SENP1: variants seen among roughly 807,000 people sequenced by gnomAD.
SENP1 encodes sentrin-specific protease 1.
In SENP1, 21 loss-of-function variants were observed where a neutral mutation model predicts 93.0. That is an observed-to-expected ratio of 0.23 (90% confidence interval 0.16 to 0.33). SENP1 has a LOEUF of 0.33. Among genes scored for constraint, SENP1 ranks in the 10% least tolerant of loss-of-function variants. The pLI, the probability that SENP1 is intolerant of heterozygous loss-of-function variation, is 1.00. For synonymous variants in SENP1, 256 were observed against 259.6 expected, an observed-to-expected ratio of 0.99 and a Z score of 0.13; for missense variants, 591 against 758.7, an observed-to-expected ratio of 0.78 and a Z score of 2.60.
intron 13 of SENP1, among the ~76,000 whole-genome samples, chr12:48,058,351 G>A (rs1228758343): frequency 6.6e-6 from 1 of 152,088 alleles, no homozygotes; most frequent in Non-Finnish European, 1.5e-5. Context: ...TAATATCAAT[G>A]TGGTTGAGTT....
intron 13 of SENP1, among the ~76,000 whole-genome samples, chr12:48,054,639 A>G (rs546978877): frequency 1.3e-5 from 2 of 152,158 alleles, no homozygotes; most frequent in East Asian, 3.9e-4. Flanking sequence ...AAAATAGACA[A>G]ATTAGCTGGG....
At chr12:48,047,918 G>A in intron 15 of SENP1, 83 bp downstream of exon 15, 3 of 821,308 alleles carry the variant, frequency 3.7e-6, no homozygotes, top group Non-Finnish European at 6.2e-6. Context: ...TCCATTGAAG[G>A]TATCAAACAA....
In SENP1 at chr12:48,045,297, C is replaced by A. The variant is rs773709306; in HGVS notation, c.*25G>T. The A allele has an allele frequency of 6.2e-7, 1 of 1,605,862 alleles. No individual in the cohort carries two copies. Among genetic ancestry groups the A allele is most frequent in the East Asian group, 2.2e-5 (1 of 44,810 alleles). On this transcript the variant is annotated 3_prime_UTR_variant, in exon 18 of 18. Coordinates refer to ENST00000549518, the MANE Select transcript of SENP1 (RefSeq NM_001267594.2). Reference sequence around the variant, plus strand: ...ACAAAGAGCTGGTCCCCCACATGGTCAAGGTCTGCTAAGTGAGACAGTCTT... The same window carrying A: ...ACAAAGAGCTGGTCCCCCACATGGTAAAGGTCTGCTAAGTGAGACAGTCTT...
At chr12:48,078,970 G>A (rs1944327569) in intron 6 of SENP1, among the ~76,000 whole-genome samples, 1 of 152,118 alleles carries the variant, frequency 6.6e-6, no homozygotes, top group Non-Finnish European at 1.5e-5. Flanking sequence ...GCAACAAAGT[G>A]AGACCCTGTC....
intron 3 of SENP1, chr12:48,097,764 A>C: frequency 2.8e-6 from 1 of 360,518 alleles, no homozygotes; most frequent in Non-Finnish European, 5.0e-6. Flanking sequence ...AGGAACAATG[A>C]GTTTTCTAAA....
intron 2 of SENP1, among the ~76,000 whole-genome samples, chr12:48,101,119 C>G (rs2137329534): frequency 6.6e-6 from 1 of 152,228 alleles, no homozygotes; most frequent in Admixed American, 6.5e-5. Context: ...AACCCCGTCT[C>G]TACTAAAAAT....
chr12:48,050,931 G>C (rs141359388), intron 13 of SENP1, among the ~76,000 whole-genome samples: 1 of 152,264 alleles, frequency 6.6e-6, no homozygotes, highest in African/African-American at 2.4e-5. Context: ...GGGGCAGACA[G>C]CTTATATATT....
intron 6 of SENP1, among the ~76,000 whole-genome samples, chr12:48,078,400 T>C (rs898950535): frequency 1.4e-5 from 2 of 147,448 alleles, no homozygotes; most frequent in African/African-American, 5.0e-5. Context: ...CACACACATA[T>C]ATACACATAT....
intron 14 of SENP1, 103 bp from the exon 15 acceptor site, chr12:48,048,183 A>G (rs112883867): frequency 3.4e-5 from 24 of 704,588 alleles, no homozygotes; most frequent in African/African-American, 2.5e-4. Flanking sequence ...GACTTCCTAC[A>G]AAATCATGAC....
intron 2 of SENP1, 77 bp from the exon 3 acceptor site, chr12:48,098,201 T>C: frequency 2.1e-6 from 3 of 1,435,904 alleles, no homozygotes; most frequent in Non-Finnish European, 2.8e-6. Flanking sequence ...TCTTTTCACC[T>C]AATAAAAACA....
At chr12:48,061,352 C>A (rs1280229545) in intron 13 of SENP1, among the ~76,000 whole-genome samples, 1 of 152,114 alleles carries the variant, frequency 6.6e-6, no homozygotes, top group Non-Finnish European at 1.5e-5. Context: ...GAGGATTGAA[C>A]AGAGGACAAA....
chr12:48,058,717 G>C (rs1190724135), intron 13 of SENP1, among the ~76,000 whole-genome samples: 1 of 152,062 alleles, frequency 6.6e-6, no homozygotes. Flanking sequence ...GTCTTCTAGA[G>C]GTATGAAAAA....
chr12:48,069,133 A>G, intron 9 of SENP1, among the ~76,000 whole-genome samples: 1 of 127,860 alleles, frequency 7.8e-6, no homozygotes, highest in Middle Eastern at 4.0e-3. Flanking sequence ...AGCCTGGATG[A>G]TAGAGCAAGA....
chr12:48,082,987 C>T (rs1944593823), intron 6 of SENP1, among the ~76,000 whole-genome samples: 1 of 152,154 alleles, frequency 6.6e-6, no homozygotes, highest in Admixed American at 6.6e-5. Flanking sequence ...CGAGTGCAGC[C>T]TCGACCTCCT....
At position 48,056,603 on chromosome 12, in the gene SENP1, T is replaced by TAATATATTACATATATAAATATATTA; in HGVS notation, c.1407+7081_1407+7106dup. 4.4e-5 allele frequency among the ~76,000 whole-genome samples: 3 copies of TAATATATTACATATATAAATATATTA among 68,412 alleles called. No homozygotes were observed. In the South Asian group the frequency reaches 2.0e-3, roughly 47 times the overall value. 44.9% of individuals were successfully genotyped at this position (68,412 alleles called of 152,430 possible). ...ATATTACATATATAAATATATTATTTAATATATTACATATATAAATATATT... is the reference window on the plus strand; with the variant it reads ...ATATTACATATATAAATATATTATTTAATATATTACATATATAAATATATTAAATATATTACATATATAAATATATT... On this transcript the variant is annotated intron_variant, in intron 13 of 17. Coordinates refer to ENST00000549518, the MANE Select transcript of SENP1 (RefSeq NM_001267594.2).
chr12:48,098,515 T>C (rs1465765084), intron 2 of SENP1, among the ~76,000 whole-genome samples: 1 of 151,522 alleles, frequency 6.6e-6, no homozygotes, highest in Non-Finnish European at 1.5e-5. Flanking sequence ...TGGTGGCGGG[T>C]ACCTGTAATC....
intron 13 of SENP1, among the ~76,000 whole-genome samples, chr12:48,053,930 AC>A (rs2136817957): frequency 6.6e-6 from 1 of 152,248 alleles, no homozygotes; most frequent in Admixed American, 6.5e-5. Context: ...ATAGAGTAGA[AC>A]CCATCCCCCA....
At chr12:48,098,605 T>C (rs1266435808) in intron 2 of SENP1, among the ~76,000 whole-genome samples, 1 of 146,650 alleles carries the variant, frequency 6.8e-6, no homozygotes, top group Admixed American at 7.0e-5. Flanking sequence ...ATCGTGCCAC[T>C]GCACTCCAGC....
At chr12:48,085,179 GAGA>G in intron 5 of SENP1, 1 of 1,463,160 alleles carries the variant, frequency 6.8e-7, no homozygotes, top group Non-Finnish European at 9.6e-7. Flanking sequence ...CCTGGTGGTG[GAGA>G]AGGATACGAC....
Sources: gnomAD v4.1 joint callset for allele counts (sites outside exome capture counted in the v4.1 genomes callset) on GRCh38, gnomAD v4.1.1 for gene constraint, MANE v1.5 for transcripts, NCBI Gene and HGNC (gene_info 2026-07-23, HGNC 2026-07-21) for gene names.